Variants in KLHL7 observed in about 807,000 individuals in gnomAD.
KLHL7 encodes the protein kelch like family member 7.
In KLHL7, 44 loss-of-function variants were observed where a neutral mutation model predicts 67.4. The observed-to-expected ratio is 0.65, with a 90% CI of 0.51 to 0.84. The LOEUF (loss-of-function observed/expected upper bound fraction) is 0.84, where lower values mean the gene tolerates loss of function less well. Among genes scored for constraint, KLHL7 ranks in the 40% least tolerant of loss-of-function variants. KLHL7 has a pLI of 0.00. For missense variants in KLHL7, 362 were observed against 718.1 expected, an observed-to-expected ratio of 0.50 and a Z score of 5.67; for synonymous variants, 252 against 243.3, an observed-to-expected ratio of 1.04 and a Z score of -0.33.
rs933963993 is a variant in KLHL7, at chr7:23,175,108, A to T, written c.*810A>T. 5 of 453,984 alleles carry T rather than the reference A, an allele frequency of 1.1e-5. No homozygotes were observed. Among genetic ancestry groups the T allele is most frequent in the African/African-American group, 4.0e-5 (2 of 50,024 alleles). The allele number at this position is 453,984 out of a possible 1,614,324, so 28.1% of individuals were successfully genotyped here. ...GCTATTTATAGCAAATTTCTAGATC[A>T]TTAGAAAAGCACTGGTAGTTGTACA... On this transcript the variant is annotated 3_prime_UTR_variant, in exon 11 of 11. Coordinates refer to ENST00000339077, the MANE Select transcript of KLHL7 (RefSeq NM_001031710.3).
In KLHL7 at chr7:23,134,906, T is replaced by A. The variant is rs567741907; in HGVS notation, c.443-5863T>A. Among the ~76,000 whole-genome samples the A allele has an allele frequency of 2.0e-5, 3 of 152,188 alleles. No homozygotes were observed. In the South Asian group the frequency reaches 6.2e-4, roughly 31 times the overall value. On this transcript the variant is annotated intron_variant, in intron 4 of 10. Transcript: ENST00000339077. Reference sequence around the variant, plus strand: ...AACTTTTCAAAAAAACAACTTTTTGTTTCATTGATCTTTTGTATTTTTTTC... The same window carrying A: ...AACTTTTCAAAAAAACAACTTTTTGATTCATTGATCTTTTGTATTTTTTTC...
In KLHL7 at chr7:23,175,349, A is replaced by G. The variant is rs147712413; in HGVS notation, c.*1051A>G. On this transcript the variant is annotated 3_prime_UTR_variant, in exon 11 of 11. Transcript: ENST00000339077. ...TAATACTTTGCCTTTTTCACTGTGT[A>G]TGGAATGAAACATGTAAAGCTGTCA... The G allele has an allele frequency of 2.0e-4, 93 of 453,988 alleles. 1 individual carries two copies. Among genetic ancestry groups the G allele is most frequent in the African/African-American group, 1.5e-3 (77 of 50,132 alleles). The allele number at this position is 453,988 out of a possible 1,614,324, so 28.1% of individuals were successfully genotyped here.
chr7:23,145,486 G>A (rs1203333145), intron 6 of KLHL7, among the ~76,000 whole-genome samples: 2 of 151,778 alleles, frequency 1.3e-5, no homozygotes, highest in Non-Finnish European at 1.5e-5. Context: ...TAAATATTTG[G>A]TTTTATATCA....
chr7:23,135,794 G>C (rs1268732571), intron 4 of KLHL7, among the ~76,000 whole-genome samples: 1 of 152,128 alleles, frequency 6.6e-6, no homozygotes, highest in Non-Finnish European at 1.5e-5. Context: ...CAGTAAAAAA[G>C]AAAGAATATC....
intron 9 of KLHL7, chr7:23,172,706 C>T: frequency 2.8e-6 from 1 of 360,000 alleles, no homozygotes; most frequent in Non-Finnish European, 5.0e-6. Context: ...TAATAGATAT[C>T]CTCATTTTCT....
rs573246609 is a variant in KLHL7, at chr7:23,105,848, G to A, written c.-179G>A. On this transcript the variant is annotated 5_prime_UTR_variant, in exon 1 of 11. Coordinates refer to ENST00000339077, the MANE Select transcript of KLHL7 (RefSeq NM_001031710.3). ...CTCCCTGAGCGTTTCTAAGGGGGCC[G>A]CCCGGCCTTGTCTTTCGGCAGTGGC... The A allele has an allele frequency of 4.3e-6, 4 of 923,772 alleles. No homozygotes were observed. The highest frequency in any genetic ancestry group is 2.1e-5 in the Admixed American group (1 of 46,576). 57.2% of individuals were successfully genotyped at this position (923,772 alleles called of 1,614,324 possible).
In KLHL7 at chr7:23,141,984, T is replaced by A. The variant is rs540134368; in HGVS notation, c.618+1040T>A. On this transcript the variant is annotated intron_variant, in intron 5 of 10. Transcript: ENST00000339077. ...CCCAGGCTGGAGTGCAGTGGCATGA[T>A]CACGGCTCACTGCAACCTCCACCTC... Among the ~76,000 whole-genome samples the A allele has an allele frequency of 7.9e-5, 12 of 152,144 alleles. No individual in the cohort carries two copies. In the East Asian group the frequency reaches 2.1e-3, roughly 27 times the overall value.
intron 7 of KLHL7, among the ~76,000 whole-genome samples, chr7:23,164,627 A>G (rs1473254713): frequency 1.3e-5 from 2 of 152,212 alleles, no homozygotes; most frequent in Non-Finnish European, 2.9e-5. Flanking sequence ...CTAAGCTATT[A>G]AGGCTCTATT....
At chr7:23,156,094 A>G in intron 7 of KLHL7, 1 of 389,468 alleles carries the variant, frequency 2.6e-6, no homozygotes, top group Non-Finnish European at 5.2e-6. Flanking sequence ...AGTCATTCCT[A>G]ATTGCACTTT....
At chr7:23,159,623 C>A (rs1489284178) in intron 7 of KLHL7, among the ~76,000 whole-genome samples, 1 of 152,156 alleles carries the variant, frequency 6.6e-6, no homozygotes, top group Non-Finnish European at 1.5e-5. Context: ...CCTCAACCTC[C>A]CAGGCTCAAG....
In KLHL7 at chr7:23,141,683, C is replaced by T. The variant is rs192584883; in HGVS notation, c.618+739C>T. Among the ~76,000 whole-genome samples, 20 of 152,118 alleles carry T rather than the reference C, an allele frequency of 1.3e-4. No individual in the cohort carries two copies. In the East Asian group the frequency reaches 3.1e-3, roughly 23 times the overall value. On this transcript the variant is annotated intron_variant, in intron 5 of 10. Transcript: ENST00000339077. ...TGTTGCCCAGGCTGGAATGCAGTGG[C>T]GTGATCTCTGCTCACTGCAAGCTCC...
intron 4 of KLHL7, among the ~76,000 whole-genome samples, chr7:23,126,700 CAGAG>C (rs772512963): frequency 2.6e-5 from 4 of 152,000 alleles, no homozygotes; most frequent in South Asian, 2.1e-4. Flanking sequence ...ACTGTGAGCA[CAGAG>C]AGAGAGATCT....
chr7:23,109,631 A>G (rs775601336), intron 1 of KLHL7, among the ~76,000 whole-genome samples: 1 of 152,214 alleles, frequency 6.6e-6, no homozygotes, highest in Non-Finnish European at 1.5e-5. Flanking sequence ...TCCGGCTAAA[A>G]TGACTTTGCT....
chr7:23,154,648 T>C (rs932015813), intron 7 of KLHL7, among the ~76,000 whole-genome samples: 33 of 152,200 alleles, frequency 2.2e-4, no homozygotes, highest in Admixed American at 6.5e-5. Flanking sequence ...CCAGGATGCC[T>C]GCAGCTTAGA....
chr7:23,126,231 G>A (rs897430439), intron 4 of KLHL7, among the ~76,000 whole-genome samples: 4 of 152,174 alleles, frequency 2.6e-5, no homozygotes, highest in Non-Finnish European at 5.9e-5. Context: ...TCCCAGGCAG[G>A]ATGGAGCAGG....
rs534229068 is a variant in KLHL7, at chr7:23,174,453, G to C, written c.*155G>C. On this transcript the variant is annotated 3_prime_UTR_variant, in exon 11 of 11. Coordinates refer to ENST00000339077, the MANE Select transcript of KLHL7 (RefSeq NM_001031710.3). ...ATAAAATAGATGTTTCTTTTATATG[G>C]ATTTCCTTAATTCAAAGATCATATT... The C allele has an allele frequency of 3.0e-5, 23 of 778,366 alleles. No individual in the cohort carries two copies. The South Asian group carries it at 3.4e-4, about 11-fold the overall frequency. 48.2% of individuals were successfully genotyped at this position (778,366 alleles called of 1,614,324 possible).
intron 7 of KLHL7, among the ~76,000 whole-genome samples, chr7:23,153,112 C>G (rs1784589894): frequency 6.6e-6 from 1 of 152,176 alleles, no homozygotes; most frequent in East Asian, 1.9e-4. Context: ...AAAAACTGAC[C>G]TTAGGCTTTC....
At chr7:23,152,306 A>G in intron 7 of KLHL7, 97 bp downstream of exon 7, 1 of 1,077,432 alleles carries the variant, frequency 9.3e-7, no homozygotes, top group Non-Finnish European at 1.4e-6. Context: ...TCATACCTTT[A>G]GAGATGATAG....
chr7:23,125,146 A>G lies in KLHL7; in HGVS notation c.416A>G (p.Glu139Gly), dbSNP rs369829959. 6 of 1,613,486 alleles carry G rather than the reference A, an allele frequency of 3.7e-6. No individual in the cohort carries two copies. The highest frequency in any genetic ancestry group is 4.2e-6 in the Non-Finnish European group (5 of 1,179,646). The change falls in exon 4 of 11, where the codon GAA becomes GGA. Residue 139 changes from glutamate (E) to glycine (G), a missense_variant. Around this residue, in one of 5 missense-constraint regions of KLHL7, gnomAD observed 155 missense variants for 280.8 expected, o/e 0.55. Coordinates refer to ENST00000339077, the MANE Select transcript of KLHL7 (RefSeq NM_001031710.3). ...AAAATGTGTGTTGATTTTTTGAAAG[A>G]ACAAGTTGATGCTTCAAATTGTCTT... ...VKKMCVDFLK[E>G]QVDASNCLGI...
Sources: gnomAD v4.1 joint callset for allele counts (sites outside exome capture counted in the v4.1 genomes callset) on GRCh38, gnomAD v4.1.1 for gene constraint, gnomAD v4.1.1 regional missense constraint, MANE v1.5 for transcripts, NCBI Gene and HGNC (gene_info 2026-07-23, HGNC 2026-07-21) for gene names.